Variants in IMPA2 observed in about 807,000 individuals in gnomAD.
IMPA2 encodes IMP 2.
A neutral mutation model predicts 35.1 loss-of-function variants in IMPA2; 32 were observed. That is an observed-to-expected ratio of 0.91 (90% CI 0.69 to 1.23). IMPA2 has a LOEUF of 1.23. Among genes scored for constraint, IMPA2 ranks in the 50% most tolerant of loss-of-function variants. The pLI is 0.00. For synonymous variants in IMPA2, 135 were observed against 160.6 expected, an observed-to-expected ratio of 0.84 and a Z score of 1.20; for missense variants, 334 against 387.6, an observed-to-expected ratio of 0.86 and a Z score of 1.16.
intron 2 of IMPA2, among the ~76,000 whole-genome samples, chr18:12,004,212 G>A (rs1448589082): frequency 1.3e-5 from 2 of 152,048 alleles, no homozygotes; most frequent in African/African-American, 4.8e-5. Flanking sequence ...CATCTCCTTT[G>A]TGGACAGCAG....
chr18:12,011,054 C>T (rs536455335), intron 3 of IMPA2, among the ~76,000 whole-genome samples: 18 of 152,302 alleles, frequency 1.2e-4, no homozygotes, highest in Middle Eastern at 3.4e-3. Flanking sequence ...TCTGCCTGCT[C>T]GTGGTTCCAG....
chr18:11,981,660 C>T lies in IMPA2; in HGVS notation c.-10C>T, dbSNP rs1468683646. The T allele has an allele frequency of 3.3e-6, 4 of 1,228,358 alleles. No homozygotes were observed. Among genetic ancestry groups the T allele is most frequent in the Non-Finnish European group, 4.1e-6 (4 of 985,524 alleles). 76.1% of individuals were successfully genotyped at this position (1,228,358 alleles called of 1,614,324 possible). A position where few individuals can be genotyped will look rare whatever the true frequency, so the allele number is the denominator to read the frequency against. ...GGGGGCTGGAGGTGGAGGGGCCCGG[C>T]GAGGCCGCGATGAAGCCGAGCGGCG... On this transcript the variant is annotated 5_prime_UTR_variant, in exon 1 of 8. Coordinates refer to ENST00000269159, the MANE Select transcript of IMPA2 (RefSeq NM_014214.3).
At chr18:12,017,918 T>C (rs1415422606) in intron 5 of IMPA2, 1 of 212,382 alleles carries the variant, frequency 4.7e-6, no homozygotes, top group African/African-American at 2.5e-5. Flanking sequence ...GAGTCGATAA[T>C]GAGTTATACT....
At chr18:12,021,571 T>G (rs1907731608) in intron 5 of IMPA2, 1 of 152,070 alleles carries the variant, frequency 6.6e-6, no homozygotes, top group Non-Finnish European at 1.5e-5. Context: ...CAGCCTGGAG[T>G]GCAGTGGCTG....
intron 2 of IMPA2, among the ~76,000 whole-genome samples, chr18:12,007,679 C>CTTTCTTT (rs1207450457): frequency 3.0e-3 from 147 of 48,226 alleles, no homozygotes; most frequent in Non-Finnish European, 4.4e-3. Flanking sequence ...TTCTTTCTTT[C>CTTTCTTT]CTTTCTTTCC....
chr18:12,009,164 C>T (rs1439771125), intron 2 of IMPA2, among the ~76,000 whole-genome samples: 1 of 152,172 alleles, frequency 6.6e-6, no homozygotes, highest in Non-Finnish European at 1.5e-5. Context: ...GTAGTCCCAG[C>T]TACTTGGGAG....
chr18:12,009,813 TG>T, intron 2 of IMPA2, 69 bp from the exon 3 acceptor site: 1 of 1,176,460 alleles, frequency 8.5e-7, no homozygotes. Context: ...TTAATGGGAC[TG>T]GAAGCAATTT....
chr18:12,013,143 C>G (rs1490616438), intron 4 of IMPA2, among the ~76,000 whole-genome samples: 3 of 152,178 alleles, frequency 2.0e-5, no homozygotes, highest in Admixed American at 2.0e-4. Context: ...TGGCTAGGTC[C>G]TTGGCCCTTC....
intron 1 of IMPA2, among the ~76,000 whole-genome samples, chr18:11,988,001 C>CTTTTTTTTTTTTTT (rs71172043): frequency 2.0e-5 from 2 of 101,862 alleles, no homozygotes; most frequent in African/African-American, 3.8e-5. Context: ...TGTTTATTGG[C>CTTTTTTTTTTTTTT]TTTTTTTTTT....
intron 1 of IMPA2, among the ~76,000 whole-genome samples, chr18:11,988,842 A>AT (rs1277943874): frequency 6.6e-6 from 1 of 151,804 alleles, no homozygotes; most frequent in Non-Finnish European, 1.5e-5. Flanking sequence ...TTCTTATTTT[A>AT]TTTTTTTGAG....
chr18:12,004,803 G>A (rs1249192198), intron 2 of IMPA2, among the ~76,000 whole-genome samples: 1 of 152,130 alleles, frequency 6.6e-6, no homozygotes, highest in East Asian at 1.9e-4. Flanking sequence ...GGGATTACAG[G>A]CGTGAGCCAC....
chr18:11,997,655 TC>T (rs1906998653), intron 1 of IMPA2, among the ~76,000 whole-genome samples: 1 of 152,136 alleles, frequency 6.6e-6, no homozygotes, highest in African/African-American at 2.4e-5. Context: ...GTGTGCTTCT[TC>T]TGGCAGCACA....
Position 11,999,134 on chromosome 18 carries a change from C to A in IMPA2, c.177C>A (p.His59Gln), listed in dbSNP as rs1907046502. 6.2e-7 allele frequency: 1 copy of A among 1,613,598 alleles called. No homozygotes were observed. The highest frequency in any genetic ancestry group is 8.5e-7 in the Non-Finnish European group (1 of 1,179,752). The change falls in exon 2 of 8, where the codon CAC becomes CAA. Residue 59 changes from histidine (H) to glutamine (Q), a missense_variant. Physicochemically the swap from His to Gln is conservative, Grantham distance 24. Transcript: ENST00000269159. ...SAADLVTETD[H>Q]LVEDLIISEL... is the part of the protein sequence containing the mutation. ...CAGATCTTGTGACAGAAACAGATCA[C>A]CTTGTGGAAGATTTAATTATTTCTG...
At chr18:12,005,283 C>T (rs532056514) in intron 2 of IMPA2, among the ~76,000 whole-genome samples, 1 of 152,258 alleles carries the variant, frequency 6.6e-6, no homozygotes, top group South Asian at 2.1e-4. Flanking sequence ...GAAAAACATC[C>T]AGTGCTCAGT....
chr18:11,988,001 C>CTTTTTTTTTTTTT (rs71172043), intron 1 of IMPA2, among the ~76,000 whole-genome samples: 6 of 101,862 alleles, frequency 5.9e-5, no homozygotes, highest in African/African-American at 7.7e-5. Flanking sequence ...TGTTTATTGG[C>CTTTTTTTTTTTTT]TTTTTTTTTT....
intron 2 of IMPA2, among the ~76,000 whole-genome samples, chr18:12,009,646 T>C (rs184562656): frequency 9.2e-5 from 14 of 152,310 alleles, no homozygotes; most frequent in Admixed American, 9.2e-4. Flanking sequence ...TGGTGCTCTT[T>C]CTGAACGCTG....
At chr18:11,987,792 C>A (rs1196033353) in intron 1 of IMPA2, among the ~76,000 whole-genome samples, 1 of 152,142 alleles carries the variant, frequency 6.6e-6, no homozygotes, top group Non-Finnish European at 1.5e-5. Context: ...AATGTAAATT[C>A]TGCCAAGTAG....
intron 1 of IMPA2, among the ~76,000 whole-genome samples, chr18:11,998,605 C>T (rs1301144859): frequency 8.5e-5 from 13 of 152,170 alleles, no homozygotes; most frequent in Admixed American, 7.9e-4. Context: ...ACACTGAAAT[C>T]TCCTAAATTT....
intron 1 of IMPA2, among the ~76,000 whole-genome samples, chr18:11,988,776 G>C (rs1309221910): frequency 6.6e-6 from 1 of 152,214 alleles, no homozygotes; most frequent in Non-Finnish European, 1.5e-5. Context: ...AACAGGTTTG[G>C]AGCTGAGAGT....
Sources: allele counts gnomAD v4.1 joint callset (sites outside exome capture counted in the v4.1 genomes callset), GRCh38; gene constraint gnomAD v4.1.1; transcripts MANE v1.5; gene names NCBI Gene and HGNC (gene_info 2026-07-23, HGNC 2026-07-21).